Variants in SGK3 observed in about 807,000 individuals in gnomAD.
SGK3 encodes the protein serum/glucocorticoid regulated kinase family member 3, also known as serine/threonine-protein kinase Sgk3.
A neutral mutation model predicts 68.5 loss-of-function variants in SGK3; 47 were observed. The observed-to-expected ratio is 0.69, with a 90% CI of 0.54 to 0.87. The LOEUF is 0.87. Among genes scored for constraint, SGK3 ranks in the 40% least tolerant of loss-of-function variants. SGK3 has a pLI of 0.00. For missense variants in SGK3, 479 were observed against 575.5 expected (o/e 0.83, Z 1.72); for synonymous variants, 181 against 189.1 (o/e 0.96, Z 0.35).
At chr8:66,824,470 T>A (rs935272782) in intron 6 of SGK3, among the ~76,000 whole-genome samples, 4 of 151,572 alleles carry the variant, frequency 2.6e-5, no homozygotes, top group African/African-American at 9.7e-5. Context: ...TAAAAAAAAA[T>A]GTACAGTAAA....
chr8:66,812,619 TAAC>T (rs891383943), intron 4 of SGK3, among the ~76,000 whole-genome samples: 56 of 151,800 alleles, frequency 3.7e-4, no homozygotes, highest in Non-Finnish European at 6.8e-4. Flanking sequence ...CCACTAATAA[TAAC>T]AACAACAACA....
At chr8:66,732,405 T>C (rs1805183501) in intron 1 of SGK3, among the ~76,000 whole-genome samples, 1 of 151,930 alleles carries the variant, frequency 6.6e-6, no homozygotes, top group Non-Finnish European at 1.5e-5. Context: ...GGAGAATCAC[T>C]TGAACCCAGG....
chr8:66,835,955 A>G lies in SGK3; in HGVS notation c.622A>G (p.Met208Val), dbSNP rs773457219. 1.2e-6 allele frequency: 2 copies of G among 1,613,684 alleles called. No homozygotes were observed. Among genetic ancestry groups the G allele is most frequent in the Non-Finnish European group, 8.5e-7 (1 of 1,179,842 alleles). ...GCCTTTTTTCCAGCAAAAACATATT[A>G]TGGCTGAACGTAATGTGCTCTTGAA... is the stretch of plus-strand genomic sequence containing the variant. The part of the protein sequence containing the change: ...VLNRKEQKHI[M>V]AERNVLLKNV... Residue 208 changes from methionine (M) to valine (V), a missense_variant, in exon 10 of 17, where the codon ATG becomes GTG. Physicochemically the swap from Met to Val is conservative, Grantham distance 21. Around this residue, in one of 3 missense-constraint regions of SGK3, gnomAD observed 298 missense variants for 329.4 expected, o/e 0.90. Coordinates refer to ENST00000521198, the MANE Select transcript of SGK3 (RefSeq NM_001033578.3).
intron 1 of SGK3, among the ~76,000 whole-genome samples, chr8:66,728,679 G>T (rs1805050064): frequency 6.6e-6 from 1 of 152,104 alleles, no homozygotes; most frequent in Non-Finnish European, 1.5e-5. Context: ...AAGGTGGGAG[G>T]ATTGCTTGAG....
intron 4 of SGK3, among the ~76,000 whole-genome samples, chr8:66,805,105 T>C (rs1201478747): frequency 2.6e-5 from 4 of 151,980 alleles, no homozygotes; most frequent in Admixed American, 2.6e-4. Context: ...TCCTTCAGGT[T>C]AATTTGGGAA....
At chr8:66,804,933 G>A (rs1808088867) in intron 4 of SGK3, among the ~76,000 whole-genome samples, 1 of 152,084 alleles carries the variant, frequency 6.6e-6, no homozygotes, top group Non-Finnish European at 1.5e-5. Context: ...TTAAAGATTA[G>A]CTGGGCATGG....
intron 1 of SGK3, among the ~76,000 whole-genome samples, chr8:66,783,495 T>G (rs774755940): frequency 2.1e-4 from 32 of 152,052 alleles, no homozygotes; most frequent in Middle Eastern, 3.4e-3. Flanking sequence ...CATCTAATTT[T>G]TGTGTGTGTG....
At chr8:66,774,446 G>A (rs1352218737) in intron 1 of SGK3, among the ~76,000 whole-genome samples, 1 of 152,076 alleles carries the variant, frequency 6.6e-6, no homozygotes, top group Non-Finnish European at 1.5e-5. Flanking sequence ...TGTAGGAACT[G>A]CGCCCTACTC....
At chr8:66,779,732 T>C (rs977760796) in intron 1 of SGK3, among the ~76,000 whole-genome samples, 13 of 150,230 alleles carry the variant, frequency 8.7e-5, no homozygotes, top group African/African-American at 2.9e-4. Flanking sequence ...TAAGGTAAAA[T>C]TCTGCATGTT....
intron 1 of SGK3, among the ~76,000 whole-genome samples, chr8:66,789,938 C>A (rs1340544580): frequency 6.6e-6 from 1 of 152,016 alleles, no homozygotes; most frequent in Non-Finnish European, 1.5e-5. Context: ...ATTAGCCAGG[C>A]ATGGTAGCAC....
At chr8:66,740,586 T>A (rs193299088) in intron 1 of SGK3, among the ~76,000 whole-genome samples, 34 of 152,310 alleles carry the variant, frequency 2.2e-4, no homozygotes, top group Non-Finnish European at 4.7e-4. Context: ...TTGCTCATCT[T>A]AGTATGGTCA....
intron 1 of SGK3, among the ~76,000 whole-genome samples, chr8:66,767,204 T>C (rs1254538566): frequency 6.6e-5 from 10 of 152,348 alleles, no homozygotes; most frequent in Middle Eastern, 3.4e-3. Context: ...TTCATTTTTC[T>C]TCATTTTCTG....
chr8:66,778,542 G>A (rs780784744), intron 1 of SGK3, among the ~76,000 whole-genome samples: 7 of 152,170 alleles, frequency 4.6e-5, no homozygotes, highest in African/African-American at 1.7e-4. Context: ...ATGATCGCCC[G>A]CCTCGGCCTC....
chr8:66,765,133 T>G (rs1297330738), intron 1 of SGK3, among the ~76,000 whole-genome samples: 1 of 152,240 alleles, frequency 6.6e-6, no homozygotes, highest in Non-Finnish European at 1.5e-5. Context: ...TTGAGAAACC[T>G]CAAAATTGTT....
Position 66,794,251 on chromosome 8 carries a change from T to A in SGK3, c.96+419T>A. ...AAATATTTAATTCAGTATTTTATTT[T>A]TTTCACCTTAAAGGCTAAGCCATTT... On this transcript the variant is annotated intron_variant, in intron 2 of 16. Transcript: ENST00000521198. 1.3e-5 allele frequency among the ~76,000 whole-genome samples: 2 copies of A among 152,236 alleles called. 1 individual carries two copies. Among genetic ancestry groups the A allele is most frequent in the Non-Finnish European group, 2.9e-5 (2 of 68,032 alleles).
Position 66,815,112 on chromosome 8 carries a change from A to T in SGK3, c.329+1184A>T, listed in dbSNP as rs368011410. ...TTGAGTAATTGTTCTAAAAATGATG[A>T]TTACCATTTATATGGTTCTTTATAG... is the stretch of plus-strand genomic sequence containing the variant. On this transcript the variant is annotated intron_variant, in intron 5 of 16. Transcript: ENST00000521198. Among the ~76,000 whole-genome samples the T allele has an allele frequency of 1.2e-4, 19 of 152,316 alleles. No homozygotes were observed. In the East Asian group the frequency reaches 3.3e-3, roughly 26 times the overall value.
At chr8:66,810,285 A>T (rs1394408050) in intron 4 of SGK3, among the ~76,000 whole-genome samples, 4 of 152,228 alleles carry the variant, frequency 2.6e-5, no homozygotes, top group East Asian at 3.8e-4. Context: ...GAAAAAAAAA[A>T]AATAAAAGGT....
At chr8:66,831,036 A>G (rs1350460304) in intron 7 of SGK3, among the ~76,000 whole-genome samples, 1 of 152,204 alleles carries the variant, frequency 6.6e-6, no homozygotes, top group African/African-American at 2.4e-5. Context: ...ATGAGGCTTA[A>G]AGTTATGAAA....
In SGK3 at chr8:66,852,915, T is replaced by C. The variant is rs765354229; in HGVS notation, c.1320+1995T>C. Among the ~76,000 whole-genome samples the C allele has an allele frequency of 1.1e-4, 16 of 152,304 alleles. No homozygotes were observed. The East Asian group carries it at 1.2e-3, about 11-fold the overall frequency. ...TCAAATAAATATATCATCAAGCATG[T>C]TGAAGAATGTTGAAGGGACTCCTAA... is the stretch of plus-strand genomic sequence containing the variant. On this transcript the variant is annotated intron_variant, in intron 16 of 16. Coordinates refer to ENST00000521198, the MANE Select transcript of SGK3 (RefSeq NM_001033578.3).
Sources: gnomAD v4.1 joint callset for allele counts (sites outside exome capture counted in the v4.1 genomes callset) on GRCh38, gnomAD v4.1.1 for gene constraint, gnomAD v4.1.1 regional missense constraint, MANE v1.5 for transcripts, NCBI Gene and HGNC (gene_info 2026-07-23, HGNC 2026-07-21) for gene names.